The following SEL1L3 variants were observed in gnomAD, a reference collection of about 807,000 sequenced individuals.
SEL1L3 encodes the protein SEL1L family member 3.
In SEL1L3, 76 loss-of-function variants were observed where a neutral mutation model predicts 142.8. That is an observed-to-expected ratio of 0.53 (90% CI 0.44 to 0.64). SEL1L3 has a LOEUF of 0.64. Among genes scored for constraint, SEL1L3 ranks in the 30% least tolerant of loss-of-function variants. The pLI, the probability that SEL1L3 is intolerant of heterozygous loss-of-function variation, is 0.00. For synonymous variants in SEL1L3, 504 were observed against 519.6 expected (o/e 0.97, Z 0.41); for missense variants, 1,262 against 1,381.7 (o/e 0.91, Z 1.37).
At chr4:25,822,788 G>T (rs1577659506) in intron 6 of SEL1L3, among the ~76,000 whole-genome samples, 1 of 152,198 alleles carries the variant, frequency 6.6e-6, no homozygotes, top group South Asian at 2.1e-4. Flanking sequence ...GACAAAGTGG[G>T]TTGGCATTTA....
In SEL1L3 at chr4:25,779,093, A is replaced by G; in HGVS notation, c.2568T>C (p.Asp856=). ...ITGNLETFPR[D]PEKAVVWAKH... is the part of the protein sequence containing the mutation. ...AGTCTTACACAACAGCTTTCTCAGG[A>G]TCTCTAGGGAATGTCTCCAGGTTGC... Residue 856 remains aspartate, a synonymous_variant, in exon 16 of 24, where the codon GAT becomes GAC. Coordinates refer to ENST00000399878, the MANE Select transcript of SEL1L3 (RefSeq NM_015187.5). 6.2e-7 allele frequency: 1 copy of G among 1,613,546 alleles called. No homozygotes were observed.
Position 25,748,556 on chromosome 4 carries a change from G to C in SEL1L3, c.3268C>G (p.Pro1090Ala). ...QYFQSVSASD[P>A]PPRPSQASPD... Reference sequence around the variant, plus strand: ...GAGGCCTGGGATGGTCTTGGAGGGGGATCGCTTGCTGCAGAGACACATGCA... The same window carrying C: ...GAGGCCTGGGATGGTCTTGGAGGGGCATCGCTTGCTGCAGAGACACATGCA... The change falls in exon 24 of 24, where the codon CCC becomes GCC. Residue 1090 changes from proline (P) to alanine (A), a missense_variant. Pro to Ala is a conservative substitution (Grantham distance 27). Transcript: ENST00000399878. 6.2e-7 allele frequency: 1 copy of C among 1,610,054 alleles called. No individual in the cohort carries two copies. Among genetic ancestry groups the C allele is most frequent in the Non-Finnish European group, 8.5e-7 (1 of 1,178,412 alleles).
At position 25,779,083 on chromosome 4, in the gene SEL1L3, C is replaced by A; in HGVS notation, c.2578G>T (p.Ala860Ser). The change falls in exon 16 of 24, where the codon GCT (alanine) becomes TCT (serine). Residue 860 changes from alanine (A) to serine (S), a missense_variant. This residue lies in a region of SEL1L3 where 435 missense variants were observed against 559.2 expected (regional missense o/e 0.78). Transcript: ENST00000399878. The stretch of plus-strand genomic sequence containing the variant: ...CGTTTGACAGAGTCTTACACAACAG[C>A]TTTCTCAGGATCTCTAGGGAATGTC... ...LETFPRDPEK[A>S]VVWAKHVAEK... 6.2e-7 allele frequency: 1 copy of A among 1,613,502 alleles called. No individual in the cohort carries two copies. The highest frequency in any genetic ancestry group is 8.5e-7 in the Non-Finnish European group (1 of 1,179,556).
Position 25,778,962 on chromosome 4 carries a change from A to G in SEL1L3, c.2585+114T>C. 4.9e-6 allele frequency: 4 copies of G among 818,552 alleles called. No homozygotes were observed. The South Asian group carries it at 1.3e-4, about 26-fold the overall frequency. The allele number at this position is 818,552 out of a possible 1,614,324, so 50.7% of individuals were successfully genotyped here. A position where few individuals can be genotyped will look rare whatever the true frequency, so the allele number is the denominator to read the frequency against. On this transcript the variant is annotated intron_variant, in intron 16 of 23. Coordinates refer to ENST00000399878, the MANE Select transcript of SEL1L3 (RefSeq NM_015187.5). ...TCTTGTCAAATTACATGACTTTTAA[A>G]ACTACATGCATGTACAACTGGTAAA...
chr4:25,861,987 A>G lies in SEL1L3; in HGVS notation c.162+688T>C, dbSNP rs532898244. ...GAAGCCAAGAAGTGTGCAAATTGCA[A>G]ACTGACATGCATGAGCCAAACATAT... On this transcript the variant is annotated intron_variant, in intron 1 of 23. Transcript: ENST00000399878. The G allele has an allele frequency of 3.3e-5, 5 of 152,288 alleles. No homozygotes were observed. The South Asian group carries it at 1.0e-3, about 32-fold the overall frequency. 9.4% of individuals were successfully genotyped at this position (152,288 alleles called of 1,614,324 possible). A position where few individuals can be genotyped will look rare whatever the true frequency, so the allele number is the denominator to read the frequency against.
chr4:25,753,421 T>C (rs1717732497), intron 23 of SEL1L3, among the ~76,000 whole-genome samples: 1 of 152,218 alleles, frequency 6.6e-6, no homozygotes, highest in Non-Finnish European at 1.5e-5. Context: ...TTCCTCTTTT[T>C]TACAGTCAGT....
Position 25,788,399 on chromosome 4 carries a change from T to A in SEL1L3, c.2077-35A>T, listed in dbSNP as rs776953277. 2.3e-5 allele frequency: 37 copies of A among 1,609,606 alleles called. 1 individual carries two copies. In the South Asian group the frequency reaches 4.1e-4, roughly 18 times the overall value. ...AATAGCAATTTAGAACAATGACTTTTCCTGTATAATGCTTAACACAAGATT... is the reference window on the plus strand; with the variant it reads ...AATAGCAATTTAGAACAATGACTTTACCTGTATAATGCTTAACACAAGATT... On this transcript the variant is annotated intron_variant, in intron 12 of 23. Transcript: ENST00000399878. This position sits in a 1 kb window ranked among gnomAD's most constrained non-coding sequence, Gnocchi z 5.3.
At chr4:25,744,346 G>GTATTTTTTTTT (rs1560268280), downstream of SEL1L3, among the ~76,000 whole-genome samples, 1 of 66,866 alleles carries the variant, frequency 1.5e-5, no homozygotes, top group Non-Finnish European at 3.5e-5. Context: ...ATATGTGTGA[G>GTATTTTTTTTT]TCTTTTTTTT....
rs146637686 is a variant in SEL1L3, at chr4:25,767,614, G to C, written c.2761-5C>G. On this transcript the variant is annotated splice_region_variant and splice_polypyrimidine_tract_variant and intron_variant, in intron 18 of 23. Transcript: ENST00000399878. ...CAAGTATCTCCTGGCCAGGTCCTAA[G>C]GGGTAAAGGGAAGAAAAAGTTAATT... 1 of 1,581,412 alleles carries C rather than the reference G, an allele frequency of 6.3e-7. No homozygotes were observed. The highest frequency in any genetic ancestry group is 8.6e-7 in the Non-Finnish European group (1 of 1,156,794).
chr4:25,851,985 T>C (rs896497031), intron 1 of SEL1L3, among the ~76,000 whole-genome samples: 2 of 151,280 alleles, frequency 1.3e-5, no homozygotes, highest in Admixed American at 6.6e-5. Flanking sequence ...TGACCAGTCA[T>C]GGGCAACCTG....
chr4:25,802,805 T>A (rs188061793), intron 10 of SEL1L3, among the ~76,000 whole-genome samples: 40 of 152,174 alleles, frequency 2.6e-4, no homozygotes, highest in Non-Finnish European at 5.3e-4. Flanking sequence ...ATGGTCTCGA[T>A]CTCCTGACCT....
intron 1 of SEL1L3, among the ~76,000 whole-genome samples, chr4:25,856,143 C>A (rs79444328): frequency 0.023 from 3,566 of 152,246 alleles, 148 homozygotes; most frequent in African/African-American, 0.082. Flanking sequence ...TTTCTCCACA[C>A]CAAAAATACA....
At chr4:25,729,373 T>A in the SEL1L3 span, among the ~76,000 whole-genome samples, 1 of 152,224 alleles carries the variant, frequency 6.6e-6, no homozygotes, top group Non-Finnish European at 1.5e-5. Context: ...CGCATGCACG[T>A]GACCACCCTT....
rs115865625 is a variant in SEL1L3 at position 25,777,794 on chromosome 4, G to T, written c.2585+1282C>A. The T allele has an allele frequency of 9.0e-3, 4,118 of 456,064 alleles. 57 individuals carry two copies. Among genetic ancestry groups the T allele is most frequent in the South Asian group, 0.024 (1,554 of 64,514 alleles). The allele number at this position is 456,064 out of a possible 1,614,324, so 28.3% of individuals were successfully genotyped here. A position where few individuals can be genotyped will look rare whatever the true frequency, so the allele number is the denominator to read the frequency against. The stretch of plus-strand genomic sequence containing the variant: ...CAAGTTTATCACCAAGGTCAGGTCA[G>T]GTTGAATTTGAACCCAAATGTGTTA... On this transcript the variant is annotated intron_variant, in intron 16 of 23. Coordinates refer to ENST00000399878, the MANE Select transcript of SEL1L3 (RefSeq NM_015187.5).
the SEL1L3 span, chr4:25,717,988 T>C: frequency 6.6e-6 from 1 of 152,166 alleles, no homozygotes; most frequent in African/African-American, 2.4e-5. Context: ...GCATGAGCTG[T>C]CAGTTCTTGC....
chr4:25,757,837 G>A, intron 21 of SEL1L3, 47 bp from the exon 22 acceptor site: 1 of 1,402,108 alleles, frequency 7.1e-7, no homozygotes, highest in South Asian at 1.2e-5. Context: ...CAACTTTGGT[G>A]GCACGACTCA....
chr4:25,756,053 GCTT>G, intron 23 of SEL1L3: 4 of 985,408 alleles, frequency 4.1e-6, no homozygotes, highest in Non-Finnish European at 3.6e-6. Flanking sequence ...TTTCGCATTA[GCTT>G]CTTGCAACAG....
chr4:25,774,219 T>C (rs1257926584), intron 17 of SEL1L3, among the ~76,000 whole-genome samples: 1 of 152,140 alleles, frequency 6.6e-6, no homozygotes, highest in South Asian at 2.1e-4. Flanking sequence ...AGAGATCAGA[T>C]AGAATATGGG....
At chr4:25,855,057 G>A (rs922671281) in intron 1 of SEL1L3, among the ~76,000 whole-genome samples, 2 of 152,258 alleles carry the variant, frequency 1.3e-5, no homozygotes, top group Non-Finnish European at 2.9e-5. Context: ...AATGAAGGAA[G>A]CTGGCATCCG....
Sources: allele counts gnomAD v4.1 joint callset (sites outside exome capture counted in the v4.1 genomes callset), GRCh38; gene constraint gnomAD v4.1.1; regional missense constraint gnomAD v4.1.1; non-coding constraint Gnocchi (gnomAD v3.1); transcripts MANE v1.5; gene names NCBI Gene and HGNC (gene_info 2026-07-23, HGNC 2026-07-21).